Variants in ATRN observed in about 807,000 individuals in gnomAD.
ATRN encodes the protein attractin-2.
Under a neutral mutation model 178.7 loss-of-function variants are expected in ATRN, and 54 were observed. The ratio of observed to expected loss-of-function variants is 0.30; its 90% CI spans 0.24 to 0.38. The LOEUF (loss-of-function observed/expected upper bound fraction) is 0.38, where lower values mean the gene tolerates loss of function less well. Among genes scored for constraint, ATRN ranks in the 10% least tolerant of loss-of-function variants. The pLI, the probability that ATRN is intolerant of heterozygous loss-of-function variation, is 1.00. For missense variants in ATRN, 1,443 were observed against 1,815.1 expected, an observed-to-expected ratio of 0.79 and a Z score of 3.73; for synonymous variants, 636 against 663.0, an observed-to-expected ratio of 0.96 and a Z score of 0.63.
intron 24 of ATRN, among the ~76,000 whole-genome samples, chr20:3,612,707 A>C (rs235517): frequency 0.22 from 32,779 of 152,092 alleles, 3,701 homozygotes; most frequent in East Asian, 0.37. Context: ...GGGTTCTAGT[A>C]AATAAAATTT....
chr20:3,526,367 C>G (rs6084404), intron 1 of ATRN, among the ~76,000 whole-genome samples: 1 of 152,172 alleles, frequency 6.6e-6, no homozygotes, highest in East Asian at 1.9e-4. Context: ...AATAAAATAC[C>G]TAGGAATCCA....
At chr20:3,553,207 C>T (rs950662721) in intron 6 of ATRN, among the ~76,000 whole-genome samples, 1 of 152,090 alleles carries the variant, frequency 6.6e-6, no homozygotes, top group African/African-American at 2.4e-5. Context: ...ATTGTGCCTT[C>T]TGCTGTTATA....
chr20:3,477,770 T>C (rs945659884), intron 1 of ATRN, among the ~76,000 whole-genome samples: 34 of 152,236 alleles, frequency 2.2e-4, no homozygotes, highest in African/African-American at 6.5e-4. Context: ...AATGAAGGAA[T>C]AAAATTCTGT....
chr20:3,650,219 A>C lies in ATRN; in HGVS notation c.*3372A>C, dbSNP rs951343707. 2 of 152,672 alleles carry C rather than the reference A, an allele frequency of 1.3e-5. No individual in the cohort carries two copies. The highest frequency in any genetic ancestry group is 4.8e-5 in the African/African-American group (2 of 41,452). 9.5% of individuals were successfully genotyped at this position (152,672 alleles called of 1,614,324 possible). A position where few individuals can be genotyped will look rare whatever the true frequency, so the allele number is the denominator to read the frequency against. On this transcript the variant is annotated 3_prime_UTR_variant, in exon 29 of 29. Transcript: ENST00000262919. The stretch of plus-strand genomic sequence containing the variant: ...CTGCTCCTTTGATTTAATGGGGTGT[A>C]CTGGGGCCAGGGGCTGATTCACTTC...
At chr20:3,558,590 G>T (rs897351586) in intron 6 of ATRN, among the ~76,000 whole-genome samples, 5 of 150,856 alleles carry the variant, frequency 3.3e-5, no homozygotes, top group Non-Finnish European at 7.4e-5. Flanking sequence ...TTTATTAACA[G>T]TATCCTCATA....
At chr20:3,583,839 C>T in intron 16 of ATRN, 59 bp from the exon 17 acceptor site, 1 of 1,480,602 alleles carries the variant, frequency 6.8e-7, no homozygotes, top group South Asian at 1.2e-5. Flanking sequence ...AAAGAAAAGT[C>T]TTTGACCTTA....
chr20:3,637,639 A>G (rs1424572466), intron 26 of ATRN, among the ~76,000 whole-genome samples: 1 of 152,172 alleles, frequency 6.6e-6, no homozygotes, highest in African/African-American at 2.4e-5. Context: ...AAAGATCTCT[A>G]ATATCCTTAA....
chr20:3,486,108 A>G (rs991586034), intron 1 of ATRN, among the ~76,000 whole-genome samples: 2 of 152,280 alleles, frequency 1.3e-5, no homozygotes, highest in Admixed American at 1.3e-4. Context: ...CTGATGTTTC[A>G]AAGTCAGCTG....
At chr20:3,512,736 T>C (rs1055040068) in intron 1 of ATRN, among the ~76,000 whole-genome samples, 79 of 152,306 alleles carry the variant, frequency 5.2e-4, no homozygotes, top group Non-Finnish European at 9.9e-4. Context: ...AGTATAAAAG[T>C]GTTCCTATTT....
At chr20:3,498,083 A>G (rs1231863670) in intron 1 of ATRN, among the ~76,000 whole-genome samples, 1 of 152,240 alleles carries the variant, frequency 6.6e-6, no homozygotes, top group Non-Finnish European at 1.5e-5. Context: ...AAAATCTAGA[A>G]CAAATGGATA....
chr20:3,578,323 G>T (rs1374491292), intron 14 of ATRN, among the ~76,000 whole-genome samples: 1 of 152,166 alleles, frequency 6.6e-6, no homozygotes, highest in Non-Finnish European at 1.5e-5. Flanking sequence ...CACCAAACTG[G>T]TGTTTTCATC....
chr20:3,498,103 A>G (rs979094161), intron 1 of ATRN, among the ~76,000 whole-genome samples: 2 of 152,218 alleles, frequency 1.3e-5, no homozygotes, highest in African/African-American at 4.8e-5. Context: ...AAATTCCTCG[A>G]CACATACACC....
At chr20:3,496,392 C>G (rs1234904844) in intron 1 of ATRN, among the ~76,000 whole-genome samples, 1 of 151,484 alleles carries the variant, frequency 6.6e-6, no homozygotes, top group Non-Finnish European at 1.5e-5. Flanking sequence ...TTTATTTCTG[C>G]CTTCATTTCG....
intron 18 of ATRN, among the ~76,000 whole-genome samples, chr20:3,585,846 A>G (rs2086349634): frequency 6.6e-6 from 1 of 152,226 alleles, no homozygotes; most frequent in South Asian, 2.1e-4. Context: ...AAGATACTCA[A>G]TATCATTCAT....
intron 26 of ATRN, among the ~76,000 whole-genome samples, chr20:3,636,663 C>G (rs1369812139): frequency 3.3e-5 from 5 of 152,162 alleles, no homozygotes; most frequent in Admixed American, 2.6e-4. Flanking sequence ...TATCTCAAAC[C>G]TATGAAATAG....
At chr20:3,581,677 A>T (rs1380692796) in intron 15 of ATRN, among the ~76,000 whole-genome samples, 1 of 152,198 alleles carries the variant, frequency 6.6e-6, no homozygotes, top group Admixed American at 6.5e-5. Flanking sequence ...TGGATTTCAG[A>T]TTAGGGATAC....
chr20:3,574,158 C>T (rs2086170789), intron 12 of ATRN, among the ~76,000 whole-genome samples: 2 of 152,202 alleles, frequency 1.3e-5, no homozygotes, highest in Non-Finnish European at 2.9e-5. Flanking sequence ...TGGATAGAAG[C>T]AGCTTTCATT....
In ATRN at chr20:3,645,987, T is replaced by A. The variant is rs2853202; in HGVS notation, c.4166-736T>A. On this transcript the variant is annotated intron_variant, in intron 28 of 28. Coordinates refer to ENST00000262919, the MANE Select transcript of ATRN (RefSeq NM_139321.3). The surrounding 1 kb of genome is among the most constrained non-coding windows in gnomAD (Gnocchi z 4.7). ...CAAAGCAAAGTGGGCGGCGGGGCAGTGATGAGCATAAAGGGTAGTTGCTAT... is the reference window on the plus strand; with the variant it reads ...CAAAGCAAAGTGGGCGGCGGGGCAGAGATGAGCATAAAGGGTAGTTGCTAT... Among the ~76,000 whole-genome samples the A allele has an allele frequency of 6.6e-6, 1 of 151,940 alleles. No homozygotes were observed. Among genetic ancestry groups the A allele is most frequent in the African/African-American group, 2.4e-5 (1 of 41,342 alleles).
At chr20:3,520,466 A>G (rs1186231280) in intron 1 of ATRN, among the ~76,000 whole-genome samples, 4 of 152,164 alleles carry the variant, frequency 2.6e-5, no homozygotes, top group Admixed American at 2.0e-4. Context: ...ATTTCCAGGT[A>G]AAGGGGGAAA....
Sources: gnomAD v4.1 joint callset for allele counts (sites outside exome capture counted in the v4.1 genomes callset) on GRCh38, gnomAD v4.1.1 for gene constraint, Gnocchi (gnomAD v3.1) non-coding constraint, MANE v1.5 for transcripts, NCBI Gene and HGNC (gene_info 2026-07-23, HGNC 2026-07-21) for gene names.